Variants in STK17A observed in about 807,000 individuals in gnomAD.
The protein encoded by STK17A is serine/threonine kinase 17a, also known as serine/threonine-protein kinase 17A.
Under a neutral mutation model 43.7 loss-of-function variants are expected in STK17A, and 26 were observed. The observed-to-expected ratio is 0.60, with a 90% CI of 0.44 to 0.83. STK17A has a LOEUF of 0.83. Among genes scored for constraint, STK17A ranks in the 40% least tolerant of loss-of-function variants. The probability of loss-of-function intolerance (pLI) is 0.00; values close to 1 mark genes in which losing one functional copy is unlikely to be tolerated. For missense variants in STK17A, 476 were observed against 511.6 expected (o/e 0.93, Z 0.67); for synonymous variants, 191 against 182.5 (o/e 1.05, Z -0.38).
In STK17A at chr7:43,585,706, G is replaced by A. The variant is rs1053571125; in HGVS notation, c.206+2257G>A. 6.6e-5 allele frequency among the ~76,000 whole-genome samples: 10 copies of A among 151,554 alleles called. No individual in the cohort carries two copies. In the South Asian group the frequency reaches 2.1e-3, roughly 31 times the overall value. On this transcript the variant is annotated intron_variant, in intron 1 of 6. Transcript: ENST00000319357. ...GCTCTTACTAGTTATGTGGACTTGA[G>A]TGCATTACCTAACCGTTTATTGCCT...
At chr7:43,592,881 A>G (rs1563143747) in intron 1 of STK17A, among the ~76,000 whole-genome samples, 1 of 152,018 alleles carries the variant, frequency 6.6e-6, no homozygotes, top group Non-Finnish European at 1.5e-5. Context: ...CAACAACAAA[A>G]AAGAATTTAA....
chr7:43,622,580 G>A (rs1244440018), intron 4 of STK17A: 1 of 151,934 alleles, frequency 6.6e-6, no homozygotes, highest in Non-Finnish European at 1.5e-5. Flanking sequence ...TAAGTGGATT[G>A]TGAGTAGATT....
chr7:43,609,350 G>A (rs1259243936), intron 3 of STK17A: 1 of 152,312 alleles, frequency 6.6e-6, no homozygotes, highest in Non-Finnish European at 1.5e-5. Context: ...AAGTGTGCTG[G>A]TTGGTGTAGG....
chr7:43,608,494 G>T, intron 3 of STK17A, 94 bp downstream of exon 3: 1 of 1,439,618 alleles, frequency 6.9e-7, no homozygotes, highest in Non-Finnish European at 9.4e-7. Context: ...TTTCACGTTT[G>T]TGTATTATTA....
intron 2 of STK17A, among the ~76,000 whole-genome samples, chr7:43,605,644 A>G (rs1281708633): frequency 6.6e-6 from 1 of 151,714 alleles, no homozygotes; most frequent in Non-Finnish European, 1.5e-5. Context: ...TCAGCTTAGC[A>G]TGGCTGCTGC....
chr7:43,608,500 T>C, intron 3 of STK17A, 100 bp downstream of exon 3: 1 of 1,395,232 alleles, frequency 7.2e-7, no homozygotes, highest in Non-Finnish European at 9.7e-7. Flanking sequence ...GTTTGTGTAT[T>C]ATTAGGTAAC....
chr7:43,593,513 G>A (rs10259300), intron 1 of STK17A, among the ~76,000 whole-genome samples: 22,176 of 152,090 alleles, frequency 0.15, 2,180 homozygotes, highest in Non-Finnish European at 0.21. Flanking sequence ...GTGTATAAGC[G>A]TTCCCTTTTC....
rs562906642 is a variant in STK17A at position 43,586,433 on chromosome 7, G to A, written c.206+2984G>A. Among the ~76,000 whole-genome samples, 7 of 151,556 alleles carry A rather than the reference G, an allele frequency of 4.6e-5. 1 individual carries two copies. In the South Asian group the frequency reaches 1.2e-3, roughly 27 times the overall value. On this transcript the variant is annotated intron_variant, in intron 1 of 6. Transcript: ENST00000319357. Reference sequence around the variant, plus strand: ...TGTCTCCAACAGAGTCCATAGCAGCGTAAATAAGGGTAAATATATGATGTA... The same window carrying A: ...TGTCTCCAACAGAGTCCATAGCAGCATAAATAAGGGTAAATATATGATGTA...
In STK17A at chr7:43,627,150, T is replaced by G. The variant is rs1488314339; in HGVS notation, c.*2308T>G. On this transcript the variant is annotated 3_prime_UTR_variant, in exon 7 of 7. Coordinates refer to ENST00000319357, the MANE Select transcript of STK17A (RefSeq NM_004760.3). ...ACTATAATTCAACAATATTTTGGTG[T>G]GGTGAAACGTTGTTTATGAAATGTA... Among the ~76,000 whole-genome samples the G allele has an allele frequency of 1.3e-5, 2 of 152,252 alleles. No individual in the cohort carries two copies. The highest frequency in any genetic ancestry group is 2.9e-5 in the Non-Finnish European group (2 of 68,046).
intron 1 of STK17A, among the ~76,000 whole-genome samples, chr7:43,593,435 G>A (rs556874100): frequency 2.6e-5 from 4 of 152,132 alleles, no homozygotes; most frequent in Non-Finnish European, 4.4e-5. Context: ...CAAGTCAAAT[G>A]GTAGTTCTTT....
chr7:43,619,908 T>C lies in STK17A; in HGVS notation c.691+185T>C, dbSNP rs113131368. ...GTTCAAGAGTAAGATACCAAATTGGTGATCTCTTCACTATCTCTTCACTAC... is the reference window on the plus strand; with the variant it reads ...GTTCAAGAGTAAGATACCAAATTGGCGATCTCTTCACTATCTCTTCACTAC... On this transcript the variant is annotated intron_variant, in intron 4 of 6. Transcript: ENST00000319357. Among the ~76,000 whole-genome samples, 680 of 152,360 alleles carry C rather than the reference T, an allele frequency of 4.5e-3. 3 individuals are homozygous for C. Among genetic ancestry groups the C allele is most frequent in the South Asian group, 0.019 (92 of 4,830 alleles).
chr7:43,610,147 C>T (rs1234389425), intron 3 of STK17A, among the ~76,000 whole-genome samples: 1 of 150,668 alleles, frequency 6.6e-6, no homozygotes, highest in Non-Finnish European at 1.5e-5. Context: ...GAGATCGAGA[C>T]CATCCTGGCT....
intron 3 of STK17A, among the ~76,000 whole-genome samples, chr7:43,612,814 G>C (rs1313043293): frequency 6.6e-6 from 1 of 152,158 alleles, no homozygotes; most frequent in African/African-American, 2.4e-5. Context: ...TTCTTGGGGT[G>C]GGGGAGGGAG....
chr7:43,614,044 A>G (rs1407619469), intron 3 of STK17A, among the ~76,000 whole-genome samples: 1 of 152,148 alleles, frequency 6.6e-6, no homozygotes, highest in East Asian at 1.9e-4. Flanking sequence ...CCTGGGTTTT[A>G]ATAGTTAATA....
intron 3 of STK17A, among the ~76,000 whole-genome samples, chr7:43,617,597 G>A (rs1202464554): frequency 6.6e-6 from 1 of 152,146 alleles, no homozygotes; most frequent in Non-Finnish European, 1.5e-5. Context: ...ATATGATTTA[G>A]GAAGGAAAAT....
In STK17A at chr7:43,624,686, A is replaced by G. The variant is rs2084298631; in HGVS notation, c.1089A>G (p.Glu363=). 1 of 1,614,012 alleles carries G rather than the reference A, an allele frequency of 6.2e-7. No homozygotes were observed. Among genetic ancestry groups the G allele is most frequent in the African/African-American group, 1.3e-5 (1 of 74,938 alleles). ...NSDTDKSETK[E]SIVTEELIVV... ...ATACCGACAAATCAGAAACCAAGGA[A>G]TCCATTGTAACCGAAGAGTTAATTG... The change falls in exon 7 of 7, where the codon GAA becomes GAG. Residue 363 remains glutamate (E), a synonymous_variant. Transcript: ENST00000319357.
intron 3 of STK17A, among the ~76,000 whole-genome samples, chr7:43,615,772 C>T (rs890586151): frequency 1.3e-5 from 2 of 152,146 alleles, no homozygotes; most frequent in African/African-American, 2.4e-5. Context: ...CACAGCAGTA[C>T]GGCCTCTATA....
intron 2 of STK17A, among the ~76,000 whole-genome samples, chr7:43,605,163 T>C (rs1563147147): frequency 6.6e-6 from 1 of 152,200 alleles, no homozygotes; most frequent in Non-Finnish European, 1.5e-5. Flanking sequence ...TGGGTCTGCT[T>C]TTATTATTTT....
intron 1 of STK17A, among the ~76,000 whole-genome samples, chr7:43,587,833 C>T (rs1366366546): frequency 1.3e-5 from 2 of 151,516 alleles, no homozygotes; most frequent in African/African-American, 4.8e-5. Flanking sequence ...ATTTGTGGTT[C>T]AACAATAAAG....
Sources: allele counts gnomAD v4.1 joint callset (sites outside exome capture counted in the v4.1 genomes callset), GRCh38; gene constraint gnomAD v4.1.1; transcripts MANE v1.5; gene names NCBI Gene and HGNC (gene_info 2026-07-23, HGNC 2026-07-21).